The following RALA variants were observed in gnomAD, a reference collection of about 807,000 sequenced individuals.
RALA encodes the protein RAS like proto-oncogene A.
RALA carries 5 observed loss-of-function variants against 24.0 expected under a neutral mutation model. The ratio of observed to expected loss-of-function variants is 0.21; its 90% CI spans 0.11 to 0.44. The LOEUF (loss-of-function observed/expected upper bound fraction) is 0.44. Ranked by LOEUF, RALA falls within the 20% of genes least tolerant of loss-of-function variation. RALA has a pLI of 0.99. For missense variants in RALA, 95 were observed against 241.2 expected (o/e 0.39, Z 4.01); for synonymous variants, 77 against 83.8 (o/e 0.92, Z 0.44).
At chr7:39,660,776 T>C (rs927607074) in intron 1 of RALA, among the ~76,000 whole-genome samples, 1 of 152,168 alleles carries the variant, frequency 6.6e-6, no homozygotes, top group Non-Finnish European at 1.5e-5. Flanking sequence ...CCTAGAAATA[T>C]TGAAAACAAG....
chr7:39,694,381 G>A (rs187443793), intron 3 of RALA, among the ~76,000 whole-genome samples: 1 of 152,288 alleles, frequency 6.6e-6, no homozygotes, highest in East Asian at 1.9e-4. Context: ...TAAAATGCAG[G>A]AGGTCTGCCT....
chr7:39,674,410 G>A lies in RALA; in HGVS notation c.-37-12221G>A, dbSNP rs146401511. Among the ~76,000 whole-genome samples the A allele has an allele frequency of 8.2e-3, 1,250 of 152,026 alleles. 21 individuals are homozygous for A. Among genetic ancestry groups the A allele is most frequent in the African/African-American group, 0.028 (1,169 of 41,450 alleles). On this transcript the variant is annotated intron_variant, in intron 1 of 4. Transcript: ENST00000005257. ...AATTATGACTTACTAAGCCATTCTC[G>A]TATCTGGTTTGAATCACACCTGGTC...
intron 1 of RALA, among the ~76,000 whole-genome samples, chr7:39,627,312 T>C (rs1333870498): frequency 6.6e-6 from 1 of 152,156 alleles, no homozygotes; most frequent in African/African-American, 2.4e-5. Flanking sequence ...TACGTGAAGG[T>C]GATGACTTAG....
chr7:39,696,143 C>T (rs780548339), intron 3 of RALA, among the ~76,000 whole-genome samples: 5 of 152,184 alleles, frequency 3.3e-5, no homozygotes, highest in Non-Finnish European at 5.9e-5. Context: ...TAACTTACCT[C>T]TCAATGCAAA....
intron 1 of RALA, among the ~76,000 whole-genome samples, chr7:39,674,052 A>G (rs1202333625): frequency 8.9e-6 from 1 of 112,078 alleles, no homozygotes; most frequent in Non-Finnish European, 2.1e-5. Context: ...TAAATAAATA[A>G]ATAAATAAAT....
intron 3 of RALA, among the ~76,000 whole-genome samples, chr7:39,691,931 CCAAAGT>C (rs1173771482): frequency 6.6e-6 from 1 of 152,072 alleles, no homozygotes; most frequent in Non-Finnish European, 1.5e-5. Flanking sequence ...ACCATAGTCA[CCAAAGT>C]CAAAGTGATA....
chr7:39,628,425 TC>T (rs1163888931), intron 1 of RALA, among the ~76,000 whole-genome samples: 2 of 151,656 alleles, frequency 1.3e-5, no homozygotes, highest in Non-Finnish European at 2.9e-5. Flanking sequence ...TCTTTCTCTC[TC>T]TTAAAGGCCT....
rs954227527 is a variant in RALA at position 39,689,557 on chromosome 7, A to G, written c.115-825A>G. Among the ~76,000 whole-genome samples the G allele has an allele frequency of 3.9e-5, 6 of 152,208 alleles. No individual in the cohort carries two copies. The South Asian group carries it at 1.2e-3, about 31-fold the overall frequency. ...AATAAGAATGTATCAGATAATGAAA[A>G]TATTTACAAGAGCTAATAAAAAACC... On this transcript the variant is annotated intron_variant, in intron 2 of 4. Coordinates refer to ENST00000005257, the MANE Select transcript of RALA (RefSeq NM_005402.4).
intron 4 of RALA, among the ~76,000 whole-genome samples, chr7:39,697,969 G>GTA (rs983841637): frequency 2.9e-5 from 4 of 138,386 alleles, no homozygotes; most frequent in East Asian, 2.0e-4. Context: ...GTGTGTGTGT[G>GTA]TGTGTATGTG....
chr7:39,646,753 A>C (rs1160546475), intron 1 of RALA, among the ~76,000 whole-genome samples: 2 of 152,228 alleles, frequency 1.3e-5, no homozygotes, highest in Non-Finnish European at 2.9e-5. Flanking sequence ...CCTCTGTTAC[A>C]GAGGAGTAAT....
intron 1 of RALA, among the ~76,000 whole-genome samples, chr7:39,685,934 G>A (rs765560227): frequency 9.2e-5 from 14 of 152,086 alleles, no homozygotes; most frequent in Non-Finnish European, 2.1e-4. Flanking sequence ...TCGGGGGTGC[G>A]GTGGCTCACG....
At chr7:39,672,647 C>T (rs990223975) in intron 1 of RALA, among the ~76,000 whole-genome samples, 7 of 79,626 alleles carry the variant, frequency 8.8e-5, no homozygotes, top group African/African-American at 2.4e-4. Flanking sequence ...ACTATTCAGT[C>T]GTAAAAAAAA....
At chr7:39,672,649 T>TA (rs35948897) in intron 1 of RALA, among the ~76,000 whole-genome samples, 92,449 of 141,408 alleles carry the variant, frequency 0.65, 30,494 homozygotes, top group East Asian at 0.95. Context: ...TATTCAGTCG[T>TA]AAAAAAAAAA....
chr7:39,678,047 G>T (rs1250725020), intron 1 of RALA, among the ~76,000 whole-genome samples: 1 of 130,504 alleles, frequency 7.7e-6, no homozygotes, highest in Non-Finnish European at 1.6e-5. Context: ...CTGTGGTGGG[G>T]TCGGGGGAGG....
chr7:39,704,964 C>T (rs1418661637), intron 4 of RALA, among the ~76,000 whole-genome samples: 12 of 152,180 alleles, frequency 7.9e-5, no homozygotes, highest in Non-Finnish European at 1.8e-4. Flanking sequence ...GTGTGAGTCA[C>T]CATGCCTGGC....
intron 1 of RALA, among the ~76,000 whole-genome samples, chr7:39,652,674 A>C (rs1343297091): frequency 6.6e-6 from 1 of 152,246 alleles, no homozygotes; most frequent in African/African-American, 2.4e-5. Context: ...AAAGTTTTAC[A>C]GAGGTTTGCT....
At chr7:39,647,135 C>T (rs765902423) in intron 1 of RALA, among the ~76,000 whole-genome samples, 4 of 152,216 alleles carry the variant, frequency 2.6e-5, no homozygotes, top group South Asian at 4.2e-4. Flanking sequence ...CTCGACCTCC[C>T]GGGCTCGAGC....
intron 4 of RALA, among the ~76,000 whole-genome samples, chr7:39,704,260 C>T (rs1273495012): frequency 3.3e-5 from 5 of 151,506 alleles, no homozygotes; most frequent in African/African-American, 1.2e-4. Flanking sequence ...AAAATAGATA[C>T]TTTCTATGCT....
At chr7:39,643,713 A>G (rs940864117) in intron 1 of RALA, among the ~76,000 whole-genome samples, 2 of 152,070 alleles carry the variant, frequency 1.3e-5, no homozygotes, top group Non-Finnish European at 2.9e-5. Flanking sequence ...AAAATTAGCC[A>G]GGTGTCGTGG....
Sources: gnomAD v4.1 joint callset for allele counts (sites outside exome capture counted in the v4.1 genomes callset) on GRCh38, gnomAD v4.1.1 for gene constraint, MANE v1.5 for transcripts, NCBI Gene and HGNC (gene_info 2026-07-23, HGNC 2026-07-21) for gene names.